ENPP1: variants seen among roughly 807,000 people sequenced by gnomAD.
The protein encoded by ENPP1 is ectonucleotide pyrophosphatase/phosphodiesterase 1.
A neutral mutation model predicts 122.8 loss-of-function variants in ENPP1; 73 were observed. That is an observed-to-expected ratio of 0.59 (90% confidence interval 0.49 to 0.72). The LOEUF (loss-of-function observed/expected upper bound fraction) is 0.72, where lower values mean the gene tolerates loss of function less well. Among genes scored for constraint, ENPP1 ranks in the 30% least tolerant of loss-of-function variants. The pLI, the probability that ENPP1 is intolerant of heterozygous loss-of-function variation, is 0.00. For missense variants in ENPP1, 978 were observed against 1,128.1 expected, an observed-to-expected ratio of 0.87 and a Z score of 1.91; for synonymous variants, 367 against 391.6, an observed-to-expected ratio of 0.94 and a Z score of 0.74.
chr6:131,826,979 C>T (rs1033880392), intron 1 of ENPP1: 3 of 412,212 alleles, frequency 7.3e-6, no homozygotes, highest in African/African-American at 4.1e-5. Context: ...TCCAAAAAGC[C>T]AGTGCAGGAT....
chr6:131,866,894 A>T (rs193284867), intron 11 of ENPP1, among the ~76,000 whole-genome samples: 1 of 152,362 alleles, frequency 6.6e-6, no homozygotes, highest in East Asian at 1.9e-4. Flanking sequence ...AAAGTCACTG[A>T]TACCCAAGAC....
chr6:131,808,238 C>G lies in ENPP1; in HGVS notation c.203C>G (p.Thr68Ser), dbSNP rs1243798306. 2.0e-6 allele frequency: 3 copies of G among 1,517,054 alleles called. No homozygotes were observed. Among genetic ancestry groups the G allele is most frequent in the Non-Finnish European group, 1.8e-6 (2 of 1,132,400 alleles). 94.0% of individuals were successfully genotyped at this position (1,517,054 alleles called of 1,614,324 possible). The stretch of plus-strand genomic sequence containing the variant: ...CTGGAGAAGGCGGCGCGCGCCCGCA[C>G]TGCCAAGGACCCCAACACCTATAAA... ...EPLEKAARAR[T>S]AKDPNTYKVL... is the part of the protein sequence containing the mutation. Residue 68 changes from threonine to serine, a missense_variant, in exon 1 of 25, where the codon ACT (threonine) becomes AGT (serine). Coordinates refer to ENST00000647893, the MANE Select transcript of ENPP1 (RefSeq NM_006208.3).
At chr6:131,888,681 T>A (rs774041885) in intron 24 of ENPP1, among the ~76,000 whole-genome samples, 18 of 152,234 alleles carry the variant, frequency 1.2e-4, no homozygotes, top group Admixed American at 7.2e-4. Context: ...TCTTTAGAAT[T>A]AAATACAGAA....
chr6:131,808,326 G>T, intron 1 of ENPP1, 51 bp downstream of exon 1: 1 of 1,459,026 alleles, frequency 6.9e-7, no homozygotes, highest in South Asian at 1.4e-5. Flanking sequence ...AGTACGGGGA[G>T]GGCGGCGCCG....
Position 131,890,726 on chromosome 6 carries a change from G to A in ENPP1, c.*215G>A. 1.7e-6 allele frequency: 1 copy of A among 577,380 alleles called. No individual in the cohort carries two copies. Among genetic ancestry groups the A allele is most frequent in the Non-Finnish European group, 3.1e-6 (1 of 324,722 alleles). 35.8% of individuals were successfully genotyped at this position (577,380 alleles called of 1,614,324 possible). A position where few individuals can be genotyped will look rare whatever the true frequency, so the allele number is the denominator to read the frequency against. On this transcript the variant is annotated 3_prime_UTR_variant, in exon 25 of 25. Coordinates refer to ENST00000647893, the MANE Select transcript of ENPP1 (RefSeq NM_006208.3). ...GCACATATTTGAATGTGTAAGCATT[G>A]TATACATTGATCAAGTTCGGGGGAA...
At position 131,851,275 on chromosome 6, in the gene ENPP1, G is replaced by T. The variant is rs746150115; in HGVS notation, c.556+8G>T. ...ACAGTTCTGTGTGTCAAGGTCAGGT[G>T]CTCGTTGGGCTCTGCAGCAGCCTGG... On this transcript the variant is annotated splice_region_variant and intron_variant, in intron 4 of 24. Transcript: ENST00000647893. 3.8e-5 allele frequency: 62 copies of T among 1,613,970 alleles called. No homozygotes were observed. The highest frequency in any genetic ancestry group is 5.2e-5 in the Non-Finnish European group (61 of 1,179,956).
chr6:131,808,260 TA>T lies in ENPP1; in HGVS notation c.228del (p.Val77TyrfsTer11). 1 of 1,513,726 alleles carries T rather than the reference TA, an allele frequency of 6.6e-7. No individual in the cohort carries two copies. Among genetic ancestry groups the T allele is most frequent in the Non-Finnish European group, 8.9e-7 (1 of 1,129,762 alleles). 93.8% of individuals were successfully genotyped at this position (1,513,726 alleles called of 1,614,324 possible). On this transcript the variant is annotated frameshift_variant, in exon 1 of 25. Transcript: ENST00000647893. LOFTEE classifies it high-confidence loss of function. ...GCACTGCCAAGGACCCCAACACCTATAAAGTACTCTCGCTGGTAGGTCCGCG... is the reference window on the plus strand; with the variant it reads ...GCACTGCCAAGGACCCCAACACCTATAAGTACTCTCGCTGGTAGGTCCGCG... Reference protein sequence around the residue: ...ARTAKDPNTYKVLSLVLSVCV... With the variant: ...ARTAKDPNTYXVLSLVLSVCV...
intron 22 of ENPP1, among the ~76,000 whole-genome samples, chr6:131,884,550 C>G (rs368635893): frequency 4.6e-5 from 7 of 152,282 alleles, no homozygotes; most frequent in Admixed American, 2.6e-4. Context: ...CTCAGAAGGA[C>G]TGCTTGAGGC....
chr6:131,863,564 G>A (rs1236319785), intron 9 of ENPP1, among the ~76,000 whole-genome samples: 1 of 152,032 alleles, frequency 6.6e-6, no homozygotes, highest in East Asian at 1.9e-4. Flanking sequence ...GGAGCACAGT[G>A]CAATGCCTCT....
intron 1 of ENPP1, among the ~76,000 whole-genome samples, chr6:131,814,611 A>G (rs1277712973): frequency 1.3e-5 from 2 of 152,120 alleles, no homozygotes; most frequent in Non-Finnish European, 1.5e-5. Flanking sequence ...CTTATGATCC[A>G]TTATCTTAAC....
In ENPP1 at chr6:131,877,149, A is replaced by G. The variant is rs1248939649; in HGVS notation, c.1881A>G (p.Ser627=). 5.0e-6 allele frequency: 8 copies of G among 1,613,668 alleles called. No individual in the cohort carries two copies. The African/African-American group carries it at 5.3e-5, about 11-fold the overall frequency. ...ACCCCAGAGATAACCTTGGCTGCTC[A>G]TGTAACCCTTCGGTAAGTATCGTCA... The part of the protein sequence containing the change: ...TRNPRDNLGC[S]CNPSILPIED... The change falls in exon 18 of 25, where the codon TCA becomes TCG. Residue 627 remains serine (S), a synonymous_variant. Transcript: ENST00000647893.
At chr6:131,889,124 C>T (rs1782426020) in intron 24 of ENPP1, among the ~76,000 whole-genome samples, 1 of 152,162 alleles carries the variant, frequency 6.6e-6, no homozygotes, top group African/African-American at 2.4e-5. Context: ...CTCAAAATAA[C>T]CCGATGAGGA....
chr6:131,870,172 C>A (rs1782143386), intron 13 of ENPP1, among the ~76,000 whole-genome samples: 1 of 152,126 alleles, frequency 6.6e-6, no homozygotes, highest in South Asian at 2.1e-4. Context: ...ATTAATGACA[C>A]TCCATTAAAA....
At chr6:131,883,036 C>G (rs998045680) in intron 21 of ENPP1, among the ~76,000 whole-genome samples, 1 of 152,148 alleles carries the variant, frequency 6.6e-6, no homozygotes, top group Non-Finnish European at 1.5e-5. Flanking sequence ...TCCAGAATCT[C>G]TAGGGAATGG....
At chr6:131,847,508 T>C (rs1289661627) in intron 1 of ENPP1, among the ~76,000 whole-genome samples, 2 of 152,162 alleles carry the variant, frequency 1.3e-5, no homozygotes, top group African/African-American at 4.8e-5. Flanking sequence ...TTTAGAAACA[T>C]TTAAAGCAAT....
chr6:131,815,867 G>A (rs967081296), intron 1 of ENPP1, among the ~76,000 whole-genome samples: 20 of 138,514 alleles, frequency 1.4e-4, no homozygotes, highest in Admixed American at 1.3e-3. Context: ...ACCACACCTG[G>A]CTAATTTTTT....
At chr6:131,836,739 T>C (rs1781679625) in intron 1 of ENPP1, among the ~76,000 whole-genome samples, 2 of 152,334 alleles carry the variant, frequency 1.3e-5, no homozygotes, top group East Asian at 1.9e-4. Context: ...CAAACAAAAT[T>C]GCTGTGATAA....
intron 1 of ENPP1, among the ~76,000 whole-genome samples, chr6:131,834,744 A>G (rs572255077): frequency 7.0e-6 from 1 of 142,696 alleles, no homozygotes; most frequent in African/African-American, 2.5e-5. Context: ...CCATTTTAGT[A>G]GAGACGGGGT....
chr6:131,826,797 T>C, intron 1 of ENPP1: 1 of 428,834 alleles, frequency 2.3e-6, no homozygotes, highest in Non-Finnish European at 4.4e-6. Context: ...CTGAAAGCCG[T>C]CTAACTGCAC....
Sources: allele counts gnomAD v4.1 joint callset (sites outside exome capture counted in the v4.1 genomes callset), GRCh38; gene constraint gnomAD v4.1.1; transcripts MANE v1.5; gene names NCBI Gene and HGNC (gene_info 2026-07-23, HGNC 2026-07-21).